AP4E1: variants seen among roughly 807,000 people sequenced by gnomAD.
AP4E1 encodes the protein AP-4 complex subunit epsilon-1.
AP4E1 carries 56 observed loss-of-function variants against 128.2 expected under a neutral mutation model. That is an observed-to-expected ratio of 0.44 (90% CI 0.35 to 0.55). The LOEUF is 0.55. Ranked by LOEUF, AP4E1 falls within the 20% of genes least tolerant of loss-of-function variation. AP4E1 has a pLI of 0.00. For synonymous variants in AP4E1, 484 were observed against 473.1 expected, an observed-to-expected ratio of 1.02 and a Z score of -0.30; for missense variants, 1,324 against 1,307.7, an observed-to-expected ratio of 1.01 and a Z score of -0.19.
At chr15:50,943,638 C>T (rs72744303) in intron 10 of AP4E1, among the ~76,000 whole-genome samples, 3,401 of 152,222 alleles carry the variant, frequency 0.022, 55 homozygotes, top group Non-Finnish European at 0.034. Context: ...GACTTAGGTA[C>T]AGTTTTTTCT....
chr15:50,933,330 C>A (rs1273237576), intron 7 of AP4E1, among the ~76,000 whole-genome samples: 1 of 152,048 alleles, frequency 6.6e-6, no homozygotes, highest in Non-Finnish European at 1.5e-5. Flanking sequence ...AAAGTTATAA[C>A]CGGATTCTAA....
intron 14 of AP4E1, among the ~76,000 whole-genome samples, chr15:50,959,983 A>G (rs1317111408): frequency 6.6e-6 from 1 of 150,644 alleles, no homozygotes; most frequent in Non-Finnish European, 1.5e-5. Context: ...AGCTAATGTT[A>G]TATCAGACAA....
intron 16 of AP4E1, among the ~76,000 whole-genome samples, chr15:50,988,137 T>A (rs35684604): frequency 0.2 from 29,699 of 151,978 alleles, 2,912 homozygotes; most frequent in South Asian, 0.23. Flanking sequence ...GAGGAAGCCA[T>A]ATAGTTGGTC....
At position 50,925,084 on chromosome 15, in the gene AP4E1, T is replaced by C. The variant is rs758422808; in HGVS notation, c.421-14T>C. 3 of 1,613,792 alleles carry C rather than the reference T, an allele frequency of 1.9e-6. No homozygotes were observed. The South Asian group carries it at 3.3e-5, about 18-fold the overall frequency. On this transcript the variant is annotated splice_polypyrimidine_tract_variant and intron_variant, in intron 4 of 20. Transcript: ENST00000261842. ...ATTTACACTAAATGTTTTCTTTGCT[T>C]AATGTTGTGCCAGGATCTGCAGAGC...
chr15:50,922,549 C>T (rs2063718640), intron 3 of AP4E1, among the ~76,000 whole-genome samples: 1 of 152,070 alleles, frequency 6.6e-6, no homozygotes, highest in Admixed American at 6.6e-5. Flanking sequence ...AGCATGGATG[C>T]TGGGTAATGA....
rs71127168 is a variant in AP4E1 at position 50,962,889 on chromosome 15, C to CAAAAAAAAAAAAAAAAAAAAAAAAAAAA, written c.1851+4122_1851+4123insAAAAAAAAAAAAAAAAAAAAAAAAAAAA. ...ATATATAAGGAACTCAATTCAACAG[C>CAAAAAAAAAAAAAAAAAAAAAAAAAAAA]AAAAAAAAAAAAAAAAAAAAAAAAA... On this transcript the variant is annotated intron_variant, in intron 14 of 20. Coordinates refer to ENST00000261842, the MANE Select transcript of AP4E1 (RefSeq NM_007347.5). Among the ~76,000 whole-genome samples, 21 of 38,718 alleles carry CAAAAAAAAAAAAAAAAAAAAAAAAAAAA rather than the reference C, an allele frequency of 5.4e-4. 3 individuals carry two copies. The highest frequency in any genetic ancestry group is 2.4e-3 in the African/African-American group (21 of 8,728). The allele number at this position is 38,718 out of a possible 152,430, so 25.4% of individuals were successfully genotyped here. A position where few individuals can be genotyped will look rare whatever the true frequency, so the allele number is the denominator to read the frequency against.
At chr15:50,940,895 G>T (rs2063976913) in intron 8 of AP4E1, among the ~76,000 whole-genome samples, 1 of 152,122 alleles carries the variant, frequency 6.6e-6, no homozygotes, top group South Asian at 2.1e-4. Flanking sequence ...GAAGATTTAT[G>T]AGTAGGGACT....
chr15:50,953,835 A>G (rs1157145456), intron 13 of AP4E1, among the ~76,000 whole-genome samples: 3 of 152,188 alleles, frequency 2.0e-5, no homozygotes, highest in African/African-American at 7.2e-5. Flanking sequence ...TGAAATGGTG[A>G]AGAAGGAAAA....
intron 15 of AP4E1, among the ~76,000 whole-genome samples, chr15:50,974,186 A>C (rs969336362): frequency 2.0e-5 from 3 of 151,826 alleles, no homozygotes; most frequent in African/African-American, 7.3e-5. Context: ...GGCTGGTCTC[A>C]AACTCCTGAC....
Position 50,908,684 on chromosome 15 carries a change from G to C in AP4E1, c.-95G>C, listed in dbSNP as rs1158673340. On this transcript the variant is annotated 5_prime_UTR_variant, in exon 1 of 21. Coordinates refer to ENST00000261842, the MANE Select transcript of AP4E1 (RefSeq NM_007347.5). ...AGATTTCTTATTCAAAAAACAGGAA[G>C]TGCCTACGGAGGCCGGGCCGGCAGC... 6 of 1,330,138 alleles carry C rather than the reference G, an allele frequency of 4.5e-6. No individual in the cohort carries two copies. Among genetic ancestry groups the C allele is most frequent in the Non-Finnish European group, 5.9e-6 (6 of 1,025,330 alleles). 82.4% of individuals were successfully genotyped at this position (1,330,138 alleles called of 1,614,324 possible).
intron 5 of AP4E1, among the ~76,000 whole-genome samples, chr15:50,927,080 G>A (rs2063778170): frequency 6.6e-6 from 1 of 152,172 alleles, no homozygotes; most frequent in African/African-American, 2.4e-5. Flanking sequence ...AGATTTATAA[G>A]GTGATCTGAT....
intron 4 of AP4E1, among the ~76,000 whole-genome samples, chr15:50,924,430 C>A (rs1227567018): frequency 6.6e-6 from 1 of 151,904 alleles, no homozygotes; most frequent in Non-Finnish European, 1.5e-5. Context: ...AATCAAGTAA[C>A]TGAAATGTAG....
intron 10 of AP4E1, among the ~76,000 whole-genome samples, chr15:50,942,121 T>C (rs1331372198): frequency 6.6e-6 from 1 of 152,152 alleles, no homozygotes; most frequent in African/African-American, 2.4e-5. Flanking sequence ...TTCACCATAT[T>C]GGCCAGGCCG....
chr15:50,951,109 A>G (rs2064143559), intron 13 of AP4E1, among the ~76,000 whole-genome samples: 1 of 152,200 alleles, frequency 6.6e-6, no homozygotes, highest in Non-Finnish European at 1.5e-5. Flanking sequence ...CAAATTCATT[A>G]TCTCATAGTT....
chr15:50,908,591 G>C (rs946406375), upstream of AP4E1: 2 of 701,798 alleles, frequency 2.8e-6, no homozygotes, highest in African/African-American at 3.8e-5. Flanking sequence ...CACCCCCGCG[G>C]TCTCTTGCGC....
At chr15:50,982,239 A>G (rs933883531) in intron 15 of AP4E1, among the ~76,000 whole-genome samples, 4 of 152,292 alleles carry the variant, frequency 2.6e-5, no homozygotes, top group African/African-American at 7.2e-5. Flanking sequence ...TTCTGGAACT[A>G]TAAGCCAAGT....
At chr15:50,943,856 G>A (rs1358293714) in intron 10 of AP4E1, among the ~76,000 whole-genome samples, 9 of 152,126 alleles carry the variant, frequency 5.9e-5, no homozygotes, top group Non-Finnish European at 4.4e-5. Flanking sequence ...GAGTAGGATG[G>A]TGCAAGATTT....
chr15:50,919,634 G>C lies in AP4E1; in HGVS notation c.346+4063G>C, dbSNP rs139157983. Among the ~76,000 whole-genome samples, 324 of 152,062 alleles carry C rather than the reference G, an allele frequency of 2.1e-3. 2 individuals are homozygous for C. The highest frequency in any genetic ancestry group is 7.6e-3 in the African/African-American group (314 of 41,460). On this transcript the variant is annotated intron_variant, in intron 3 of 20. Coordinates refer to ENST00000261842, the MANE Select transcript of AP4E1 (RefSeq NM_007347.5). ...TTATATGTATCATTTTATAGTTATGGATGCTTATATTAAAGGGGATCTCAG... is the reference window on the plus strand; with the variant it reads ...TTATATGTATCATTTTATAGTTATGCATGCTTATATTAAAGGGGATCTCAG...
chr15:50,941,408 A>C, intron 8 of AP4E1, 34 bp from the exon 9 acceptor site: 3 of 1,606,656 alleles, frequency 1.9e-6, no homozygotes, highest in Non-Finnish European at 2.6e-6. Context: ...ATACCTTACC[A>C]TGATACCTGC....
Sources: allele counts gnomAD v4.1 joint callset (sites outside exome capture counted in the v4.1 genomes callset), GRCh38; gene constraint gnomAD v4.1.1; transcripts MANE v1.5; gene names NCBI Gene and HGNC (gene_info 2026-07-23, HGNC 2026-07-21).